BCL11A: variants seen among roughly 807,000 people sequenced by gnomAD.
BCL11A encodes BCL11 transcription factor A.
A neutral mutation model predicts 55.9 loss-of-function variants in BCL11A; 2 were observed. The ratio of observed to expected loss-of-function variants is 0.04; its 90% CI spans 0.01 to 0.11. The LOEUF is 0.11. Among genes scored for constraint, BCL11A ranks in the 10% least tolerant of loss-of-function variants. BCL11A has a pLI of 1.00. For missense variants in BCL11A, 817 were observed against 1,137.1 expected, an observed-to-expected ratio of 0.72 and a Z score of 4.05; for synonymous variants, 465 against 473.4, an observed-to-expected ratio of 0.98 and a Z score of 0.23.
chr2:60,462,965 G>A (rs574295638), intron 3 of BCL11A, among the ~76,000 whole-genome samples: 174 of 152,336 alleles, frequency 1.1e-3, no homozygotes, highest in African/African-American at 3.9e-3. Context: ...TCACTACAAT[G>A]TTCTATGGCC....
At chr2:60,504,532 C>T (rs1237634029) in intron 2 of BCL11A, among the ~76,000 whole-genome samples, 5 of 152,150 alleles carry the variant, frequency 3.3e-5, no homozygotes, top group Admixed American at 3.3e-4. Flanking sequence ...GGGAGCTCAG[C>T]ATCGGGACAC....
chr2:60,526,710 A>T (rs1199343910), intron 2 of BCL11A: 2 of 152,238 alleles, frequency 1.3e-5, no homozygotes, highest in East Asian at 3.8e-4. Context: ...TTAAAGAAGA[A>T]GATGCAATGA....
At chr2:60,501,086 T>A (rs1348058866) in intron 2 of BCL11A, among the ~76,000 whole-genome samples, 2 of 152,234 alleles carry the variant, frequency 1.3e-5, no homozygotes, top group South Asian at 2.1e-4. Context: ...CCTGCCCACA[T>A]GAGACATCTT....
chr2:60,457,810 A>G lies in BCL11A; in HGVS notation c.*2594T>C. 1 of 1,047,544 alleles carries G rather than the reference A, an allele frequency of 9.5e-7. No individual in the cohort carries two copies. Among genetic ancestry groups the G allele is most frequent in the Non-Finnish European group, 1.2e-6 (1 of 867,904 alleles). 64.9% of individuals were successfully genotyped at this position (1,047,544 alleles called of 1,614,324 possible). Reference sequence around the variant, plus strand: ...CAACGTTATTAGCTTGCAGTACTGCATACAGTATGGCAGCAGGAAAAAGGA... The same window carrying G: ...CAACGTTATTAGCTTGCAGTACTGCGTACAGTATGGCAGCAGGAAAAAGGA... On this transcript the variant is annotated 3_prime_UTR_variant, in exon 4 of 4. Transcript: ENST00000642384.
chr2:60,540,198 C>G (rs1263305449), intron 2 of BCL11A, among the ~76,000 whole-genome samples: 1 of 151,910 alleles, frequency 6.6e-6, no homozygotes, highest in African/African-American at 2.4e-5. Flanking sequence ...GAAATCTGAA[C>G]AAGCAGAAAG....
Position 60,457,579 on chromosome 2 carries a change from C to G in BCL11A, c.*2825G>C. The G allele has an allele frequency of 9.6e-7, 1 of 1,044,530 alleles. No homozygotes were observed. The highest frequency in any genetic ancestry group is 1.2e-6 in the Non-Finnish European group (1 of 866,254). 64.7% of individuals were successfully genotyped at this position (1,044,530 alleles called of 1,614,324 possible). ...AAAAGTATTGACTAAAGCGGGCTTT[C>G]TCTTTAATATGCTTTGCATATGAAA... On this transcript the variant is annotated 3_prime_UTR_variant, in exon 4 of 4. Coordinates refer to ENST00000642384, the MANE Select transcript of BCL11A (RefSeq NM_022893.4).
chr2:60,456,730 T>G (rs559946975), downstream of BCL11A, among the ~76,000 whole-genome samples: 10 of 152,212 alleles, frequency 6.6e-5, no homozygotes, highest in Non-Finnish European at 1.5e-4. Flanking sequence ...AAAAGACTCT[T>G]ACATGGAAAC....
In BCL11A at chr2:60,461,902, C is replaced by G. The variant is rs1273562514; in HGVS notation, c.1010G>C (p.Ser337Thr). Residue 337 changes from serine to threonine, a missense_variant, in exon 4 of 4, where the codon AGC becomes ACC. Around this residue, in one of 4 missense-constraint regions of BCL11A, gnomAD observed 363 missense variants for 486.6 expected, o/e 0.75. Coordinates refer to ENST00000642384, the MANE Select transcript of BCL11A (RefSeq NM_022893.4). Reference sequence around the variant, plus strand: ...TGGTTGCAGTAACCTTTGCATAGGGCTGGGCCGGCCTGGGGACAGCGGTGG... The same window carrying G: ...TGGTTGCAGTAACCTTTGCATAGGGGTGGGCCGGCCTGGGGACAGCGGTGG... ...SSPPLSPGRPSPMQRLLQPFQ... is the reference protein window; with the variant it reads ...SSPPLSPGRPTPMQRLLQPFQ... 6.2e-7 allele frequency: 1 copy of G among 1,614,140 alleles called. No homozygotes were observed.
intron 2 of BCL11A, among the ~76,000 whole-genome samples, chr2:60,472,982 CG>C (rs1677290252): frequency 6.6e-6 from 1 of 152,096 alleles, no homozygotes; most frequent in South Asian, 2.1e-4. Flanking sequence ...CTAAAATGTA[CG>C]TGTGTGTGTG....
intron 2 of BCL11A, chr2:60,544,597 G>C (rs140819448): frequency 8.5e-5 from 13 of 152,256 alleles, no homozygotes; most frequent in African/African-American, 2.4e-4. Context: ...TTCTAGAGGG[G>C]GAGAGGAGAA....
downstream of BCL11A, chr2:60,452,746 C>G: frequency 8.6e-7 from 1 of 1,168,802 alleles, no homozygotes; most frequent in Non-Finnish European, 1.3e-6. Flanking sequence ...TGTTCTCTAA[C>G]TAGCTTTTTA....
intron 1 of BCL11A, among the ~76,000 whole-genome samples, chr2:60,547,511 CAAA>C (rs35182373): frequency 1.5e-4 from 17 of 114,622 alleles, no homozygotes; most frequent in African/African-American, 3.4e-4. Flanking sequence ...CTTGCTCTAT[CAAA>C]AAAAAAAAAA....
At chr2:60,551,832 AAGGCCCGGGCGAGGCC>A (rs1670425511) in intron 1 of BCL11A, among the ~76,000 whole-genome samples, 1 of 150,314 alleles carries the variant, frequency 6.7e-6, no homozygotes, top group Non-Finnish European at 1.5e-5. Flanking sequence ...GAGGTCGGGC[AAGGCCCGGGCGAGGCC>A]AGGCCGCCGC....
intron 2 of BCL11A, among the ~76,000 whole-genome samples, chr2:60,475,556 G>T (rs1034021833): frequency 6.6e-6 from 1 of 152,174 alleles, no homozygotes; most frequent in African/African-American, 2.4e-5. Flanking sequence ...TTCAACAAAT[G>T]ACTGTGCAAG....
At chr2:60,467,953 A>AGTGATGGTGGTGGTAATGGTG (rs1676931497) in intron 3 of BCL11A, among the ~76,000 whole-genome samples, 1 of 37,796 alleles carries the variant, frequency 2.6e-5, no homozygotes. Flanking sequence ...TGGTGATGGT[A>AGTGATGGTGGTGGTAATGGTG]CTGGTGGTGA....
intron 2 of BCL11A, among the ~76,000 whole-genome samples, chr2:60,541,314 C>G (rs759340994): frequency 6.6e-6 from 1 of 152,090 alleles, no homozygotes; most frequent in Non-Finnish European, 1.5e-5. Flanking sequence ...TCTTTAGGAT[C>G]TTCTACATTT....
intron 2 of BCL11A, among the ~76,000 whole-genome samples, chr2:60,478,811 C>T (rs1046770804): frequency 1.3e-5 from 2 of 152,252 alleles, no homozygotes; most frequent in African/African-American, 4.8e-5. Flanking sequence ...TTTCAGAAAA[C>T]AGGCCTCTGC....
chr2:60,466,534 C>T (rs559368736), intron 3 of BCL11A, among the ~76,000 whole-genome samples: 126 of 152,268 alleles, frequency 8.3e-4, no homozygotes, highest in African/African-American at 2.9e-3. Context: ...AACCACCCAG[C>T]CCTCAGGACC....
At chr2:60,513,854 C>A (rs191541310) in intron 2 of BCL11A, among the ~76,000 whole-genome samples, 86 of 152,340 alleles carry the variant, frequency 5.6e-4, no homozygotes, top group African/African-American at 2.0e-3. Flanking sequence ...TCTCAACAAG[C>A]CAGAGATTCT....
Sources: gnomAD v4.1 joint callset for allele counts (sites outside exome capture counted in the v4.1 genomes callset) on GRCh38, gnomAD v4.1.1 for gene constraint, gnomAD v4.1.1 regional missense constraint, MANE v1.5 for transcripts, NCBI Gene and HGNC (gene_info 2026-07-23, HGNC 2026-07-21) for gene names.